Variants in ERBB4 observed in about 807,000 individuals in gnomAD.
The protein encoded by ERBB4 is erb-b2 receptor tyrosine kinase 4, also known as receptor tyrosine-protein kinase erbB-4.
ERBB4 carries 42 observed loss-of-function variants against 158.0 expected under a neutral mutation model. That is an observed-to-expected ratio of 0.27 (90% CI 0.21 to 0.34). ERBB4 has a LOEUF of 0.34. Ranked by LOEUF, ERBB4 falls within the 10% of genes least tolerant of loss-of-function variation. The probability of loss-of-function intolerance (pLI) is 1.00; values close to 1 mark genes in which losing one functional copy is unlikely to be tolerated. For missense variants in ERBB4, 1,333 were observed against 1,624.1 expected, an observed-to-expected ratio of 0.82 and a Z score of 3.08; for synonymous variants, 583 against 558.7, an observed-to-expected ratio of 1.04 and a Z score of -0.61.
At chr2:212,275,041 T>C (rs1192915891) in intron 1 of ERBB4, among the ~76,000 whole-genome samples, 2 of 151,854 alleles carry the variant, frequency 1.3e-5, no homozygotes, top group East Asian at 1.9e-4. Context: ...TCTGTTCCCT[T>C]GTTAGTTTGC....
chr2:211,618,763 G>A (rs899958102), intron 19 of ERBB4, among the ~76,000 whole-genome samples: 1 of 152,110 alleles, frequency 6.6e-6, no homozygotes, highest in African/African-American at 2.4e-5. Flanking sequence ...ACTCTTCAGT[G>A]CAACTAATTT....
intron 1 of ERBB4, among the ~76,000 whole-genome samples, chr2:212,462,387 G>A (rs1305814628): frequency 6.6e-6 from 1 of 152,106 alleles, no homozygotes; most frequent in Non-Finnish European, 1.5e-5. Flanking sequence ...AATATACAAT[G>A]AGCTCAAACA....
chr2:212,416,773 CA>C (rs930057778), intron 1 of ERBB4, among the ~76,000 whole-genome samples: 22 of 152,144 alleles, frequency 1.4e-4, no homozygotes, highest in African/African-American at 4.6e-4. Flanking sequence ...AGGCACACCT[CA>C]GTAACAATGA....
At chr2:211,941,345 G>C (rs1266787518) in intron 3 of ERBB4, among the ~76,000 whole-genome samples, 1 of 149,698 alleles carries the variant, frequency 6.7e-6, no homozygotes, top group African/African-American at 2.5e-5. Flanking sequence ...TAAACATTCT[G>C]TTTAACAACA....
chr2:211,492,859 G>T lies in ERBB4; in HGVS notation c.2488-61759C>A, dbSNP rs2065379030. 2.6e-5 allele frequency among the ~76,000 whole-genome samples: 4 copies of T among 152,078 alleles called. No homozygotes were observed. The South Asian group carries it at 8.3e-4, about 31-fold the overall frequency. On this transcript the variant is annotated intron_variant, in intron 20 of 27. Coordinates refer to ENST00000342788, the MANE Select transcript of ERBB4 (RefSeq NM_005235.3). Reference sequence around the variant, plus strand: ...CTCAACACATCAGCTGGCTTCTTTGGTTCTGATCCTTGTTTCCTAAGGATG... The same window carrying T: ...CTCAACACATCAGCTGGCTTCTTTGTTTCTGATCCTTGTTTCCTAAGGATG...
intron 4 of ERBB4, among the ~76,000 whole-genome samples, chr2:211,757,637 A>T (rs2075314860): frequency 1.3e-5 from 2 of 152,066 alleles, no homozygotes; most frequent in African/African-American, 4.8e-5. Flanking sequence ...CAGGGGCTCA[A>T]CTCCCTCCTG....
At chr2:211,619,895 TG>T (rs1381420215) in intron 18 of ERBB4, among the ~76,000 whole-genome samples, 1 of 152,184 alleles carries the variant, frequency 6.6e-6, no homozygotes, top group Admixed American at 6.5e-5. Flanking sequence ...TGTGTATATG[TG>T]TGTGCGTGAA....
chr2:211,869,213 A>ATTAT (rs2078282437), intron 3 of ERBB4, among the ~76,000 whole-genome samples: 2 of 152,222 alleles, frequency 1.3e-5, no homozygotes, highest in African/African-American at 4.8e-5. Context: ...GCTTAAGAGC[A>ATTAT]TAGGCTCTGA....
chr2:211,663,907 T>G (rs2071523070), intron 15 of ERBB4, among the ~76,000 whole-genome samples: 1 of 152,124 alleles, frequency 6.6e-6, no homozygotes, highest in Admixed American at 6.5e-5. Flanking sequence ...TTTTTTTTTG[T>G]GAAATACTCT....
intron 2 of ERBB4, among the ~76,000 whole-genome samples, chr2:211,993,118 T>C (rs1368913786): frequency 6.6e-6 from 1 of 152,198 alleles, no homozygotes; most frequent in East Asian, 1.9e-4. Flanking sequence ...GAATCTTATA[T>C]TGGAACCAGT....
At chr2:211,777,192 C>T (rs1031710889) in intron 4 of ERBB4, 3 of 152,134 alleles carry the variant, frequency 2.0e-5, no homozygotes, top group Non-Finnish European at 4.4e-5. Flanking sequence ...ATTGTTATGT[C>T]CTTCAAGCAT....
At chr2:211,580,926 C>T (rs2068085907) in intron 19 of ERBB4, among the ~76,000 whole-genome samples, 1 of 127,114 alleles carries the variant, frequency 7.9e-6, no homozygotes, top group Non-Finnish European at 1.6e-5. Flanking sequence ...TGATGGAATA[C>T]TACTTAGCCA....
At chr2:212,304,557 C>A (rs1277829465) in intron 1 of ERBB4, among the ~76,000 whole-genome samples, 2 of 151,414 alleles carry the variant, frequency 1.3e-5, no homozygotes, top group African/African-American at 2.4e-5. Context: ...GCCACCCCCA[C>A]AGAAATTGCC....
chr2:212,080,676 T>TAA lies in ERBB4; in HGVS notation c.234+44074_234+44075dup, dbSNP rs5838296. ...TTATCTCATTTTATGGTATAAATAG[T>TAA]AAAAAAAAAAAAAAAAAACCTCTTT... On this transcript the variant is annotated intron_variant, in intron 2 of 27. Transcript: ENST00000342788. Among the ~76,000 whole-genome samples, 201 of 139,372 alleles carry TAA rather than the reference T, an allele frequency of 1.4e-3. 3 individuals are homozygous for TAA. The highest frequency in any genetic ancestry group is 3.4e-3 in the African/African-American group (128 of 37,588). The allele number at this position is 139,372 out of a possible 152,430, so 91.4% of individuals were successfully genotyped here.
intron 1 of ERBB4, among the ~76,000 whole-genome samples, chr2:212,231,322 A>C (rs1430068543): frequency 6.6e-6 from 1 of 152,186 alleles, no homozygotes; most frequent in Non-Finnish European, 1.5e-5. Context: ...AAACCTTTTC[A>C]CTTCATTTTT....
Position 211,630,561 on chromosome 2 carries a change from C to G in ERBB4, c.1980G>C (p.Gly660=), listed in dbSNP as rs1050037054. 1 of 1,613,394 alleles carries G rather than the reference C, an allele frequency of 6.2e-7. No individual in the cohort carries two copies. Among genetic ancestry groups the G allele is most frequent in the South Asian group, 1.1e-5 (1 of 91,064 alleles). ...TPLIAAGVIG[G]LFILVIVGLT... is the part of the protein sequence containing the mutation. ...GACCCACAATGACCAGAATGAAGAG[C>G]CCACCAATTACTCCAGCTGCAATCA... Residue 660 remains glycine, a synonymous_variant, in exon 17 of 28, where the codon GGG becomes GGC. Transcript: ENST00000342788.
chr2:211,393,461 T>C (rs954677314), intron 25 of ERBB4, among the ~76,000 whole-genome samples: 2 of 152,174 alleles, frequency 1.3e-5, no homozygotes, highest in Non-Finnish European at 2.9e-5. Flanking sequence ...ATACCACACA[T>C]AGATTTTGAC....
At chr2:212,215,669 G>A (rs1042242888) in intron 1 of ERBB4, among the ~76,000 whole-genome samples, 3 of 151,242 alleles carry the variant, frequency 2.0e-5, no homozygotes, top group African/African-American at 7.3e-5. Context: ...TTATCAAGCT[G>A]TGAAGTCACT....
chr2:212,352,451 T>A (rs1175108280), intron 1 of ERBB4, among the ~76,000 whole-genome samples: 1 of 152,170 alleles, frequency 6.6e-6, no homozygotes, highest in East Asian at 1.9e-4. Context: ...AATAATTTAT[T>A]ACAAAATGTT....
Sources: allele counts gnomAD v4.1 joint callset (sites outside exome capture counted in the v4.1 genomes callset), GRCh38; gene constraint gnomAD v4.1.1; transcripts MANE v1.5; gene names NCBI Gene and HGNC (gene_info 2026-07-23, HGNC 2026-07-21).